Variants in KMT2C observed in about 807,000 individuals in gnomAD.
The protein encoded by KMT2C is histone-lysine N-methyltransferase 2C.
KMT2C carries 88 observed loss-of-function variants against 507.9 expected under a neutral mutation model. The observed-to-expected ratio is 0.17, with a 90% confidence interval of 0.15 to 0.21. KMT2C has a LOEUF of 0.21. Ranked by LOEUF, KMT2C falls within the 10% of genes least tolerant of loss-of-function variation. KMT2C has a pLI of 1.00. For synonymous variants in KMT2C, 2,049 were observed against 2,080.8 expected, an observed-to-expected ratio of 0.98 and a Z score of 0.42; for missense variants, 4,954 against 5,957.8, an observed-to-expected ratio of 0.83 and a Z score of 5.55.
At chr7:152,308,161 T>A (rs1281173818) in intron 6 of KMT2C, among the ~76,000 whole-genome samples, 2 of 152,214 alleles carry the variant, frequency 1.3e-5, no homozygotes, top group East Asian at 3.9e-4. Flanking sequence ...CTTGAGGTGA[T>A]GCTTACTCAT....
intron 3 of KMT2C, among the ~76,000 whole-genome samples, chr7:152,318,014 C>G (rs975804822): frequency 6.6e-6 from 1 of 151,572 alleles, no homozygotes; most frequent in African/African-American, 2.4e-5. Context: ...GGCAGGCGCC[C>G]GTAATCCAAG....
chr7:152,419,261 G>A (rs1226841329), intron 1 of KMT2C, among the ~76,000 whole-genome samples: 3 of 152,024 alleles, frequency 2.0e-5, no homozygotes, highest in Non-Finnish European at 4.4e-5. Flanking sequence ...TGAGGCAGGA[G>A]AATCACTTGA....
chr7:152,168,426 C>T (rs1434823492), intron 41 of KMT2C, among the ~76,000 whole-genome samples: 1 of 152,164 alleles, frequency 6.6e-6, no homozygotes, highest in African/African-American at 2.4e-5. Context: ...AAAGGTCAGA[C>T]TTTGGGTTTG....
chr7:152,434,607 GCA>G (rs2097898245), intron 1 of KMT2C, among the ~76,000 whole-genome samples: 1 of 152,128 alleles, frequency 6.6e-6, no homozygotes, highest in African/African-American at 2.4e-5. Flanking sequence ...AAATGAGTAA[GCA>G]CACACGCCAT....
intron 7 of KMT2C, among the ~76,000 whole-genome samples, chr7:152,268,096 AT>A (rs2095888784): frequency 6.6e-6 from 1 of 152,228 alleles, no homozygotes. Context: ...CCGGGCCAAC[AT>A]GGTGAAACCC....
At chr7:152,435,573 C>A in intron 1 of KMT2C, 53 bp downstream of exon 1, 1 of 1,249,130 alleles carries the variant, frequency 8.0e-7, no homozygotes, top group African/African-American at 1.6e-5. Flanking sequence ...GGTGACAGCT[C>A]CGGCCCGGCG....
chr7:152,343,420 A>G (rs2097018424), intron 2 of KMT2C, among the ~76,000 whole-genome samples: 1 of 151,638 alleles, frequency 6.6e-6, no homozygotes, highest in African/African-American at 2.4e-5. Flanking sequence ...AGAAACTTCC[A>G]AACCTGAAAA....
chr7:152,199,588 A>C (rs1305766311), intron 26 of KMT2C, 129 bp from the exon 27 acceptor site: 3 of 453,212 alleles, frequency 6.6e-6, no homozygotes, highest in Non-Finnish European at 1.1e-5. Flanking sequence ...ATAGAAACTG[A>C]ATACAGAAGT....
intron 18 of KMT2C, among the ~76,000 whole-genome samples, chr7:152,227,909 C>T (rs35190523): frequency 0.11 from 16,424 of 152,094 alleles, 2,127 homozygotes; most frequent in African/African-American, 0.31. Flanking sequence ...GAACAGGGAG[C>T]AGAATTCAGT....
Position 152,229,529 on chromosome 7 carries a change from C to T in KMT2C, c.2976+394G>A, listed in dbSNP as rs372204549. On this transcript the variant is annotated intron_variant, in intron 18 of 58. Coordinates refer to ENST00000262189, the MANE Select transcript of KMT2C (RefSeq NM_170606.3). ...TAAGGAGAAAATGTCATTTTGTATA[C>T]GAGTGAGCATAGAGGAGAGAGAATG... 9.5e-4 allele frequency among the ~76,000 whole-genome samples: 142 copies of T among 149,842 alleles called. 2 individuals are homozygous for T. In the East Asian group the frequency reaches 0.024, roughly 26 times the overall value.
intron 18 of KMT2C, among the ~76,000 whole-genome samples, chr7:152,228,325 G>A (rs1343111838): frequency 6.6e-6 from 1 of 152,152 alleles, no homozygotes; most frequent in Non-Finnish European, 1.5e-5. Context: ...AGACTTTCTA[G>A]ACTTGCCCCA....
rs1370885388 is a variant in KMT2C at position 152,241,886 on chromosome 7, A to G, written c.2533-3060T>C. On this transcript the variant is annotated intron_variant, in intron 14 of 58. Transcript: ENST00000262189. Reference sequence around the variant, plus strand: ...ATTTTCTGGTAATTATGTATTATTCATCATAATTTAAAAGTTAGCTTTGAT... The same window carrying G: ...ATTTTCTGGTAATTATGTATTATTCGTCATAATTTAAAAGTTAGCTTTGAT... Among the ~76,000 whole-genome samples the G allele has an allele frequency of 1.4e-4, 21 of 152,238 alleles. 1 individual carries two copies. Among genetic ancestry groups the G allele is most frequent in the Admixed American group, 1.4e-3 (21 of 15,286 alleles).
chr7:152,429,251 G>C (rs1295376014), intron 1 of KMT2C, among the ~76,000 whole-genome samples: 1 of 152,076 alleles, frequency 6.6e-6, no homozygotes, highest in Non-Finnish European at 1.5e-5. Context: ...CCAAATGAAA[G>C]ATCTAAAAAG....
chr7:152,292,929 GTTTTCTGATCCCTTAAATA>G (rs1376572580), intron 6 of KMT2C, among the ~76,000 whole-genome samples: 6 of 152,084 alleles, frequency 3.9e-5, no homozygotes, highest in Non-Finnish European at 7.4e-5. Flanking sequence ...CACTCTTCTA[GTTTTCTGATCCCTTAAATA>G]TTTATTTGAA....
intron 1 of KMT2C, among the ~76,000 whole-genome samples, chr7:152,428,498 G>C (rs1472820146): frequency 6.6e-6 from 1 of 151,234 alleles, no homozygotes; most frequent in Non-Finnish European, 1.5e-5. Flanking sequence ...GGGCATGGTG[G>C]TGGGTGCCTG....
rs571290332 is a variant in KMT2C, at chr7:152,136,377, C to T, written c.*455G>A. ...AGGGCCTGCCCCTTTTTAATAAGGCCGTGGCCAGCACTCTCTGTCCCCCTC... is the reference window on the plus strand; with the variant it reads ...AGGGCCTGCCCCTTTTTAATAAGGCTGTGGCCAGCACTCTCTGTCCCCCTC... On this transcript the variant is annotated 3_prime_UTR_variant, in exon 59 of 59. Transcript: ENST00000262189. The T allele has an allele frequency of 2.3e-4, 53 of 226,302 alleles. No individual in the cohort carries two copies. In the South Asian group the frequency reaches 7.5e-3, roughly 32 times the overall value. The allele number at this position is 226,302 out of a possible 1,614,324, so 14.0% of individuals were successfully genotyped here.
chr7:152,409,872 T>A (rs2097663406), intron 1 of KMT2C, among the ~76,000 whole-genome samples: 1 of 152,034 alleles, frequency 6.6e-6, no homozygotes, highest in Non-Finnish European at 1.5e-5. Context: ...AAACTTGCAA[T>A]GCTATACCCG....
chr7:152,248,649 A>G (rs1295402758), intron 13 of KMT2C, 29 bp from the exon 14 acceptor site: 4 of 1,446,022 alleles, frequency 2.8e-6, no homozygotes, highest in Non-Finnish European at 3.8e-6. Flanking sequence ...TTGTTATGGC[A>G]ATGTACAAAC....
intron 8 of KMT2C, among the ~76,000 whole-genome samples, chr7:152,263,830 C>T (rs996249172): frequency 3.3e-5 from 5 of 152,180 alleles, no homozygotes; most frequent in African/African-American, 9.6e-5. Context: ...ACAGCTTTAT[C>T]TCTGTTGAGA....
Sources: gnomAD v4.1 joint callset for allele counts (sites outside exome capture counted in the v4.1 genomes callset) on GRCh38, gnomAD v4.1.1 for gene constraint, MANE v1.5 for transcripts, NCBI Gene and HGNC (gene_info 2026-07-23, HGNC 2026-07-21) for gene names.